Variants in VAV3 observed in about 807,000 individuals in gnomAD.
The protein encoded by VAV3 is guanine nucleotide exchange factor VAV3.
Under a neutral mutation model 131.2 loss-of-function variants are expected in VAV3, and 94 were observed. The ratio of observed to expected loss-of-function variants is 0.72; its 90% CI spans 0.61 to 0.85. The LOEUF (loss-of-function observed/expected upper bound fraction) is 0.85, where lower values mean the gene tolerates loss of function less well. Ranked by LOEUF, VAV3 falls within the 40% of genes least tolerant of loss-of-function variation. The probability of loss-of-function intolerance (pLI) is 0.00; values close to 1 mark genes in which losing one functional copy is unlikely to be tolerated. For synonymous variants in VAV3, 349 were observed against 342.0 expected (o/e 1.02, Z -0.22); for missense variants, 939 against 1,002.7 (o/e 0.94, Z 0.86).
At chr1:107,861,358 T>C (rs1360821141) in intron 2 of VAV3, among the ~76,000 whole-genome samples, 1 of 151,566 alleles carries the variant, frequency 6.6e-6, no homozygotes. Flanking sequence ...TTTGCTAAAA[T>C]TCTAAATTGC....
intron 19 of VAV3, among the ~76,000 whole-genome samples, chr1:107,667,020 C>G (rs1333249317): frequency 1.3e-5 from 2 of 152,184 alleles, no homozygotes; most frequent in Non-Finnish European, 2.9e-5. Context: ...ACTGCTGCCT[C>G]TGCTCTAATG....
At chr1:107,750,185 C>T (rs1251785357) in intron 13 of VAV3, among the ~76,000 whole-genome samples, 6 of 152,114 alleles carry the variant, frequency 3.9e-5, no homozygotes, top group Admixed American at 3.9e-4. Context: ...ACAAACAGGT[C>T]TAATTTTGGA....
intron 2 of VAV3, among the ~76,000 whole-genome samples, chr1:107,792,800 C>T (rs1054414538): frequency 1.2e-4 from 19 of 152,108 alleles, no homozygotes; most frequent in African/African-American, 4.3e-4. Flanking sequence ...TTAACACAAC[C>T]AGACTCAGAA....
chr1:107,627,880 A>G (rs1654148025), intron 20 of VAV3, among the ~76,000 whole-genome samples: 1 of 152,154 alleles, frequency 6.6e-6, no homozygotes, highest in Non-Finnish European at 1.5e-5. Context: ...GGAGATCACA[A>G]CTCTAAATAG....
At chr1:107,751,020 T>C (rs1663687796) in intron 13 of VAV3, 97 bp downstream of exon 13, 1 of 1,189,154 alleles carries the variant, frequency 8.4e-7, no homozygotes, top group Admixed American at 2.5e-5. Flanking sequence ...TTCTTCCTTT[T>C]TTCCCCCTAC....
In VAV3 at chr1:107,757,254, G is replaced by A. The variant is rs778376133; in HGVS notation, c.1086+7C>T. The A allele has an allele frequency of 6.2e-7, 1 of 1,611,622 alleles. No homozygotes were observed. Among genetic ancestry groups the A allele is most frequent in the Non-Finnish European group, 8.5e-7 (1 of 1,179,116 alleles). ...ATACAAACAAATTACTGATGAATCT[G>A]CCCTACCTTCATGGCATCAAGAGCC... On this transcript the variant is annotated splice_region_variant and intron_variant, in intron 11 of 26. Coordinates refer to ENST00000370056, the MANE Select transcript of VAV3 (RefSeq NM_006113.5).
chr1:107,692,594 G>A (rs1659495014), intron 17 of VAV3, among the ~76,000 whole-genome samples: 1 of 152,128 alleles, frequency 6.6e-6, no homozygotes, highest in Non-Finnish European at 1.5e-5. Flanking sequence ...TATCTTTTAT[G>A]TTAAAATGTA....
intron 1 of VAV3, among the ~76,000 whole-genome samples, chr1:107,921,475 T>A (rs1469364138): frequency 6.6e-6 from 1 of 152,232 alleles, no homozygotes; most frequent in Non-Finnish European, 1.5e-5. Flanking sequence ...AGAAACCACC[T>A]GTAAGAATGT....
intron 1 of VAV3, among the ~76,000 whole-genome samples, chr1:107,886,334 T>C (rs1671034909): frequency 6.6e-6 from 1 of 152,138 alleles, no homozygotes; most frequent in Non-Finnish European, 1.5e-5. Context: ...AAAGCTATGG[T>C]AGCTAACAAG....
intron 1 of VAV3, among the ~76,000 whole-genome samples, chr1:107,948,248 C>T (rs967477445): frequency 1.3e-5 from 2 of 151,982 alleles, no homozygotes; most frequent in African/African-American, 4.8e-5. Flanking sequence ...GAAAAACATA[C>T]ATGAATGAGA....
rs1252171889 is a variant in VAV3, at chr1:107,710,997, T to C, written c.1503-5936A>G. ...AATATAAAACACTATCACAATTATA[T>C]TGAAAATAAAAGTTTTTGAAGTCAA... On this transcript the variant is annotated intron_variant, in intron 15 of 26. Transcript: ENST00000370056. 2.0e-5 allele frequency among the ~76,000 whole-genome samples: 3 copies of C among 152,134 alleles called. No homozygotes were observed. The South Asian group carries it at 6.2e-4, about 32-fold the overall frequency.
chr1:107,870,663 T>C (rs916097555), intron 2 of VAV3, among the ~76,000 whole-genome samples: 1 of 151,706 alleles, frequency 6.6e-6, no homozygotes, highest in Non-Finnish European at 1.5e-5. Context: ...ATACAACTCT[T>C]TCTCTCTCTC....
chr1:107,684,039 T>C (rs1658843057), intron 18 of VAV3, among the ~76,000 whole-genome samples: 1 of 152,202 alleles, frequency 6.6e-6, no homozygotes, highest in Non-Finnish European at 1.5e-5. Context: ...AATAGTGTTT[T>C]AATTATAGAC....
intron 1 of VAV3, among the ~76,000 whole-genome samples, chr1:107,943,963 C>A (rs1674123653): frequency 6.6e-6 from 1 of 152,242 alleles, no homozygotes; most frequent in Non-Finnish European, 1.5e-5. Context: ...CTTGCCAGGA[C>A]CAGTGCATCC....
At chr1:107,583,931 A>G (rs1393679765) in intron 25 of VAV3, among the ~76,000 whole-genome samples, 1 of 152,040 alleles carries the variant, frequency 6.6e-6, no homozygotes, top group Non-Finnish European at 1.5e-5. Flanking sequence ...GGAACCAAAA[A>G]AGAGCCCGCA....
intron 2 of VAV3, among the ~76,000 whole-genome samples, chr1:107,793,273 T>C (rs1378839048): frequency 3.3e-5 from 5 of 152,124 alleles, no homozygotes. Context: ...CCAGAGTGTG[T>C]AACTAAAACC....
intron 2 of VAV3, among the ~76,000 whole-genome samples, chr1:107,856,094 CTG>C (rs767155092): frequency 7.9e-5 from 12 of 152,142 alleles, no homozygotes; most frequent in Admixed American, 2.6e-4. Flanking sequence ...ACAAATGACA[CTG>C]TGACACAGGT....
intron 19 of VAV3, among the ~76,000 whole-genome samples, chr1:107,674,310 T>C (rs917366364): frequency 6.6e-6 from 1 of 152,222 alleles, no homozygotes; most frequent in African/African-American, 2.4e-5. Flanking sequence ...TCAGAACCTC[T>C]AATTAGCTGC....
chr1:107,779,487 T>C lies in VAV3; in HGVS notation c.327A>G (p.Ile109Met). The change falls in exon 3 of 27, where the codon ATA becomes ATG. Residue 109 changes from isoleucine (I) to methionine (M), a missense_variant. Coordinates refer to ENST00000370056, the MANE Select transcript of VAV3 (RefSeq NM_006113.5). ...TTCGAGAAAGTCGTGATAATGTTTC[T>C]ATAACCTGAGAAAAGAGGAAAATAC... ...LFDVRDFGKVIETLSRLSRTP... is the reference protein window; with the variant it reads ...LFDVRDFGKVMETLSRLSRTP... The C allele has an allele frequency of 6.3e-7, 1 of 1,582,110 alleles. No homozygotes were observed. The highest frequency in any genetic ancestry group is 8.6e-7 in the Non-Finnish European group (1 of 1,164,076).
Sources: allele counts gnomAD v4.1 joint callset (sites outside exome capture counted in the v4.1 genomes callset), GRCh38; gene constraint gnomAD v4.1.1; transcripts MANE v1.5; gene names NCBI Gene and HGNC (gene_info 2026-07-23, HGNC 2026-07-21).